Variants in BEND7 observed in about 807,000 individuals in gnomAD.
BEND7 encodes the protein BEN domain containing 7.
BEND7 carries 28 observed loss-of-function variants against 50.9 expected under a neutral mutation model. That is an observed-to-expected ratio of 0.55 (90% CI 0.41 to 0.75). BEND7 has a LOEUF of 0.75. Among genes scored for constraint, BEND7 ranks in the 30% least tolerant of loss-of-function variants. BEND7 has a pLI of 0.00. For missense variants in BEND7, 477 were observed against 491.3 expected (o/e 0.97, Z 0.28); for synonymous variants, 170 against 183.9 (o/e 0.92, Z 0.61).
intron 4 of BEND7, among the ~76,000 whole-genome samples, chr10:13,494,614 C>G (rs2132064253): frequency 6.6e-6 from 1 of 152,326 alleles, no homozygotes; most frequent in African/African-American, 2.4e-5. Flanking sequence ...GGTCTGCACC[C>G]TCAGAATCAA....
intron 4 of BEND7, among the ~76,000 whole-genome samples, chr10:13,494,846 T>A (rs2076923335): frequency 1.3e-5 from 2 of 152,250 alleles, no homozygotes; most frequent in South Asian, 4.1e-4. Context: ...ACTTTCTAAA[T>A]GTAATTTAAA....
chr10:13,478,790 T>C lies in BEND7; in HGVS notation c.1063+2109A>G, dbSNP rs186505276. ...ATAAACTATTTGTTGATTTATGTTG[T>C]TGGTGGCTTATGGGATTTCCATCTG... On this transcript the variant is annotated intron_variant, in intron 6 of 8. Transcript: ENST00000466271. 4.1e-3 allele frequency among the ~76,000 whole-genome samples: 625 copies of C among 152,328 alleles called. 3 individuals carry two copies. The highest frequency in any genetic ancestry group is 0.014 in the African/African-American group (591 of 41,566).
chr10:13,469,047 C>T (rs1339078610), intron 6 of BEND7, among the ~76,000 whole-genome samples: 3 of 152,206 alleles, frequency 2.0e-5, no homozygotes, highest in African/African-American at 4.8e-5. Flanking sequence ...GATTTGCCCC[C>T]AGGTAGTTGT....
chr10:13,445,274 G>C (rs1836067001), intron 8 of BEND7: 2 of 152,184 alleles, frequency 1.3e-5, no homozygotes, highest in Admixed American at 6.5e-5. Flanking sequence ...TTTGAGAAAA[G>C]ACTGGAAGAA....
intron 6 of BEND7, among the ~76,000 whole-genome samples, chr10:13,475,497 C>T (rs2075356872): frequency 6.6e-6 from 1 of 152,230 alleles, no homozygotes; most frequent in Admixed American, 6.5e-5. Flanking sequence ...TTATCTCTTT[C>T]TTGATGGAAG....
At chr10:13,454,897 C>T (rs932041194) in intron 6 of BEND7, among the ~76,000 whole-genome samples, 10 of 152,204 alleles carry the variant, frequency 6.6e-5, no homozygotes, top group South Asian at 6.2e-4. Context: ...AGAGGCTGGG[C>T]GCGGTGGCTC....
intron 4 of BEND7, among the ~76,000 whole-genome samples, chr10:13,495,414 C>A (rs968192870): frequency 6.6e-6 from 1 of 152,216 alleles, no homozygotes; most frequent in African/African-American, 2.4e-5. Flanking sequence ...GTAATCCCAG[C>A]ACTTTGGGAG....
At chr10:13,485,261 T>A (rs1157763549) in intron 5 of BEND7, among the ~76,000 whole-genome samples, 1 of 152,190 alleles carries the variant, frequency 6.6e-6, no homozygotes, top group Non-Finnish European at 1.5e-5. Flanking sequence ...TAGTAAGGTA[T>A]TAATAAGTAA....
At chr10:13,507,680 C>T (rs901959077) in intron 2 of BEND7, among the ~76,000 whole-genome samples, 1 of 152,232 alleles carries the variant, frequency 6.6e-6, no homozygotes, top group East Asian at 1.9e-4. Context: ...GAAGGTGAGG[C>T]CACAGATGAT....
intron 1 of BEND7, chr10:13,527,961 T>C: frequency 2.4e-6 from 1 of 413,748 alleles, no homozygotes; most frequent in African/African-American, 2.1e-5. Context: ...CCAACCCAAA[T>C]CAGCTAGCTA....
intron 2 of BEND7, among the ~76,000 whole-genome samples, chr10:13,505,140 T>C (rs1403953935): frequency 6.6e-6 from 1 of 152,248 alleles, no homozygotes; most frequent in Non-Finnish European, 1.5e-5. Context: ...GAGTTTTTCA[T>C]TCCAGAAGCA....
chr10:13,491,461 G>A (rs1302364460), intron 5 of BEND7, among the ~76,000 whole-genome samples: 1 of 151,570 alleles, frequency 6.6e-6, no homozygotes, highest in Non-Finnish European at 1.5e-5. Context: ...ATCATTGCAT[G>A]AGCTGACTGG....
intron 2 of BEND7, among the ~76,000 whole-genome samples, chr10:13,520,121 CTT>C (rs1258352485): frequency 6.6e-6 from 1 of 152,174 alleles, no homozygotes; most frequent in Non-Finnish European, 1.5e-5. Flanking sequence ...GATCCAGGCT[CTT>C]GTCTCCTAGT....
intron 1 of BEND7, among the ~76,000 whole-genome samples, chr10:13,528,090 G>A (rs1467083499): frequency 6.6e-6 from 1 of 151,980 alleles, no homozygotes; most frequent in Non-Finnish European, 1.5e-5. Context: ...GGGGGGAAGG[G>A]GGAAGACCCC....
chr10:13,503,464 G>A (rs926516354), intron 2 of BEND7, among the ~76,000 whole-genome samples: 6 of 152,278 alleles, frequency 3.9e-5, no homozygotes, highest in Non-Finnish European at 7.4e-5. Flanking sequence ...TGTAATCCCA[G>A]CACTTTGGGA....
intron 2 of BEND7, among the ~76,000 whole-genome samples, chr10:13,506,961 C>A (rs2077941336): frequency 1.3e-5 from 2 of 151,864 alleles, no homozygotes; most frequent in African/African-American, 4.8e-5. Flanking sequence ...AGTCTAGTTT[C>A]GATGAAGAAA....
intron 3 of BEND7, among the ~76,000 whole-genome samples, chr10:13,498,785 CA>C (rs1278734294): frequency 2.6e-5 from 4 of 151,986 alleles, no homozygotes; most frequent in Non-Finnish European, 4.4e-5. Context: ...GGAGGCATGC[CA>C]GCATTGGAAC....
chr10:13,522,178 AT>A (rs2079127530), intron 2 of BEND7, among the ~76,000 whole-genome samples: 1 of 152,268 alleles, frequency 6.6e-6, no homozygotes, highest in African/African-American at 2.4e-5. Context: ...ACAGATAAAC[AT>A]GTTTCCAATG....
At chr10:13,467,074 T>C (rs1283774381) in intron 6 of BEND7, among the ~76,000 whole-genome samples, 1 of 152,166 alleles carries the variant, frequency 6.6e-6, no homozygotes, top group Non-Finnish European at 1.5e-5. Context: ...CGGGGGAAGA[T>C]GCTGGGGCGT....
Sources: gnomAD v4.1 joint callset for allele counts (sites outside exome capture counted in the v4.1 genomes callset) on GRCh38, gnomAD v4.1.1 for gene constraint, MANE v1.5 for transcripts, NCBI Gene and HGNC (gene_info 2026-07-23, HGNC 2026-07-21) for gene names.